Variants in PTAR1 observed in about 807,000 individuals in gnomAD.
The protein encoded by PTAR1 is protein prenyltransferase alpha subunit repeat containing 1.
PTAR1 carries 17 observed loss-of-function variants against 45.5 expected under a neutral mutation model. The ratio of observed to expected loss-of-function variants is 0.37; its 90% CI spans 0.26 to 0.56. PTAR1 has a LOEUF of 0.56. Ranked by LOEUF, PTAR1 falls within the 20% of genes least tolerant of loss-of-function variation. The pLI is 0.77. For missense variants in PTAR1, 391 were observed against 476.3 expected (o/e 0.82, Z 1.67); for synonymous variants, 169 against 171.3 (o/e 0.99, Z 0.11).
intron 5 of PTAR1, among the ~76,000 whole-genome samples, chr9:69,728,854 T>A (rs563034430): frequency 6.6e-6 from 1 of 152,154 alleles, no homozygotes; most frequent in Non-Finnish European, 1.5e-5. Flanking sequence ...TTCTTTAACC[T>A]TTTTCTGACT....
chr9:69,760,000 T>C lies in PTAR1; in HGVS notation c.-62A>G. 2.2e-6 allele frequency: 3 copies of C among 1,342,076 alleles called. No individual in the cohort carries two copies. The highest frequency in any genetic ancestry group is 2.9e-6 in the Non-Finnish European group (3 of 1,037,174). 83.1% of individuals were successfully genotyped at this position (1,342,076 alleles called of 1,614,324 possible). A position where few individuals can be genotyped will look rare whatever the true frequency, so the allele number is the denominator to read the frequency against. On this transcript the variant is annotated 5_prime_UTR_variant, in exon 1 of 8. Transcript: ENST00000340434. ...CGTGAGCCGGGCCGCCGGCGGGAGT[T>C]CCGCGGAGAACGAGCGCGCGCGCGC... is the stretch of plus-strand genomic sequence containing the variant.
chr9:69,739,099 C>A (rs913778629), intron 3 of PTAR1, among the ~76,000 whole-genome samples: 1 of 152,154 alleles, frequency 6.6e-6, no homozygotes, highest in South Asian at 2.1e-4. Flanking sequence ...AGCCACCATG[C>A]CCGGCCAAAT....
chr9:69,754,998 G>C (rs930460113), intron 1 of PTAR1, among the ~76,000 whole-genome samples: 4 of 152,028 alleles, frequency 2.6e-5, no homozygotes, highest in Non-Finnish European at 4.4e-5. Context: ...TGGTTGCAAT[G>C]AATGTGCTAT....
At chr9:69,759,646 G>A (rs2134189220) in intron 1 of PTAR1, among the ~76,000 whole-genome samples, 1 of 152,298 alleles carries the variant, frequency 6.6e-6, no homozygotes, top group East Asian at 1.9e-4. Context: ...CACTTCTAGG[G>A]ACTCGACCGC....
rs1377163545 is a variant in PTAR1, at chr9:69,711,953, T to C, written c.*6389A>G. ...GATCAATCACTGACTAAGCATTTAT[T>C]GAGCATCTACTATAACTGTACCCAG... On this transcript the variant is annotated 3_prime_UTR_variant, in exon 8 of 8. Transcript: ENST00000340434. The C allele has an allele frequency of 6.6e-6, 1 of 152,142 alleles. No homozygotes were observed. Among genetic ancestry groups the C allele is most frequent in the Non-Finnish European group, 1.5e-5 (1 of 68,010 alleles). The allele number at this position is 152,142 out of a possible 1,614,324, so 9.4% of individuals were successfully genotyped here.
In PTAR1 at chr9:69,746,917, A is replaced by T. The variant is rs1328523083; in HGVS notation, c.256+3864T>A. Among the ~76,000 whole-genome samples, 3 of 152,234 alleles carry T rather than the reference A, an allele frequency of 2.0e-5. No individual in the cohort carries two copies. In the East Asian group the frequency reaches 5.8e-4, roughly 29 times the overall value. ...AGAGAAAGGTTTTCGTGCATCTAGAAATAAATTCAAGGCCAACTTAAATCA... is the reference window on the plus strand; with the variant it reads ...AGAGAAAGGTTTTCGTGCATCTAGATATAAATTCAAGGCCAACTTAAATCA... On this transcript the variant is annotated intron_variant, in intron 2 of 7. Transcript: ENST00000340434.
chr9:69,721,545 C>A (rs576934364), intron 6 of PTAR1, among the ~76,000 whole-genome samples: 1 of 152,168 alleles, frequency 6.6e-6, no homozygotes. Flanking sequence ...ACTCCAATTT[C>A]GAAATAAGTT....
chr9:69,755,179 A>C (rs1826717418), intron 1 of PTAR1, among the ~76,000 whole-genome samples: 1 of 152,218 alleles, frequency 6.6e-6, no homozygotes, highest in Non-Finnish European at 1.5e-5. Context: ...TTTTAAAGAT[A>C]TGATGGTTTG....
At chr9:69,741,904 T>C (rs771751917) in intron 2 of PTAR1, 46 bp from the exon 3 acceptor site, 51 of 1,211,408 alleles carry the variant, frequency 4.2e-5, no homozygotes, top group Non-Finnish European at 5.7e-5. Flanking sequence ...TCCTACCTTT[T>C]AAAGCTTGGC....
chr9:69,732,127 T>C lies in PTAR1; in HGVS notation c.642+12A>G, dbSNP rs771791872. The C allele has an allele frequency of 6.3e-6, 10 of 1,597,166 alleles. No homozygotes were observed. The Admixed American group carries it at 1.2e-4, about 19-fold the overall frequency. ...GACAGGCAGTCTGCCCAGGAGACAG[T>C]AATATTCCTACCTTGACATCTAGCT... is the stretch of plus-strand genomic sequence containing the variant. On this transcript the variant is annotated intron_variant, in intron 5 of 7. Coordinates refer to ENST00000340434, the MANE Select transcript of PTAR1 (RefSeq NM_001099666.2).
intron 2 of PTAR1, among the ~76,000 whole-genome samples, chr9:69,743,054 A>G (rs908686619): frequency 1.3e-5 from 2 of 152,190 alleles, no homozygotes; most frequent in Non-Finnish European, 2.9e-5. Context: ...AGCTCTTATT[A>G]AATGTCATGT....
At chr9:69,742,942 A>G (rs1826107785) in intron 2 of PTAR1, among the ~76,000 whole-genome samples, 1 of 152,284 alleles carries the variant, frequency 6.6e-6, no homozygotes, top group South Asian at 2.1e-4. Flanking sequence ...CAAAATTAGC[A>G]AAGTTTAGAC....
intron 2 of PTAR1, among the ~76,000 whole-genome samples, chr9:69,749,381 G>C (rs567622860): frequency 1.3e-5 from 2 of 152,242 alleles, no homozygotes; most frequent in African/African-American, 2.4e-5. Flanking sequence ...AAAATAACTT[G>C]ATGGAGTCAT....
chr9:69,739,937 T>C (rs972481782), intron 3 of PTAR1, among the ~76,000 whole-genome samples: 4 of 152,186 alleles, frequency 2.6e-5, no homozygotes, highest in Non-Finnish European at 2.9e-5. Context: ...ATGGAGCAAC[T>C]TCCCTTCATA....
chr9:69,739,189 A>C (rs1825928269), intron 3 of PTAR1, among the ~76,000 whole-genome samples: 1 of 152,184 alleles, frequency 6.6e-6, no homozygotes. Flanking sequence ...AAAATGTCAG[A>C]ACCAAACATC....
At chr9:69,743,861 T>C (rs879296898) in intron 2 of PTAR1, among the ~76,000 whole-genome samples, 3 of 152,120 alleles carry the variant, frequency 2.0e-5, no homozygotes, top group Non-Finnish European at 4.4e-5. Context: ...CAAATAATTA[T>C]ATAAGGCAAA....
intron 6 of PTAR1, 78 bp downstream of exon 6, chr9:69,723,248 C>A: frequency 8.4e-7 from 1 of 1,185,664 alleles, no homozygotes; most frequent in South Asian, 1.4e-5. Flanking sequence ...AGGCAGGAAT[C>A]AGGTGTAACT....
chr9:69,735,896 C>A (rs1432079908), intron 3 of PTAR1, among the ~76,000 whole-genome samples: 1 of 150,104 alleles, frequency 6.7e-6, no homozygotes. Context: ...ATAAAGAAAA[C>A]AACTATTTTC....
chr9:69,742,258 T>C (rs187057681), intron 2 of PTAR1, among the ~76,000 whole-genome samples: 6,475 of 151,010 alleles, frequency 0.043, 164 homozygotes, highest in Middle Eastern at 0.075. Context: ...AGGAAAAAAA[T>C]ATCACTCAGA....
Sources: allele counts gnomAD v4.1 joint callset (sites outside exome capture counted in the v4.1 genomes callset), GRCh38; gene constraint gnomAD v4.1.1; transcripts MANE v1.5; gene names NCBI Gene and HGNC (gene_info 2026-07-23, HGNC 2026-07-21).